Variants in JAK2 observed in about 807,000 individuals in gnomAD.
JAK2 encodes tyrosine-protein kinase JAK2.
In JAK2, 86 loss-of-function variants were observed where a neutral mutation model predicts 139.3. The ratio of observed to expected loss-of-function variants is 0.62; its 90% confidence interval spans 0.52 to 0.74. JAK2 has a LOEUF of 0.74. Among genes scored for constraint, JAK2 ranks in the 30% least tolerant of loss-of-function variants. The pLI is 0.00. For synonymous variants in JAK2, 490 were observed against 437.7 expected (o/e 1.12, Z -1.49); for missense variants, 1,421 against 1,360.3 (o/e 1.04, Z -0.70).
chr9:5,018,015 G>A (rs1252665729), intron 2 of JAK2, among the ~76,000 whole-genome samples: 1 of 152,088 alleles, frequency 6.6e-6, no homozygotes, highest in African/African-American at 2.4e-5. Context: ...TTTTGTAAGT[G>A]GCATGTAGTT....
intron 2 of JAK2, among the ~76,000 whole-genome samples, chr9:5,017,576 G>A (rs1287818758): frequency 1.3e-5 from 2 of 152,020 alleles, no homozygotes; most frequent in African/African-American, 4.8e-5. Context: ...GTAATGTAAT[G>A]TTGTTTGACA....
chr9:5,012,018 A>G (rs1039191356), intron 2 of JAK2, among the ~76,000 whole-genome samples: 1 of 152,186 alleles, frequency 6.6e-6, no homozygotes, highest in Non-Finnish European at 1.5e-5. Flanking sequence ...ATTTCTAGCT[A>G]TTGCCTGTCC....
At chr9:5,114,925 T>G in intron 22 of JAK2, 1 of 181,054 alleles carries the variant, frequency 5.5e-6, no homozygotes, top group Non-Finnish European at 1.1e-5. Context: ...AAACAGTGCC[T>G]GCTCAGAAAA....
chr9:5,031,974 G>T (rs75197654), intron 4 of JAK2, among the ~76,000 whole-genome samples: 4 of 152,234 alleles, frequency 2.6e-5, no homozygotes, highest in Non-Finnish European at 4.4e-5. Flanking sequence ...CGCCACACCC[G>T]GGAAGCGCAA....
chr9:5,060,184 A>G (rs1818065567), intron 8 of JAK2, among the ~76,000 whole-genome samples: 1 of 152,218 alleles, frequency 6.6e-6, no homozygotes, highest in Non-Finnish European at 1.5e-5. Context: ...CTGAGCCTCC[A>G]GAGAGTTATA....
intron 4 of JAK2, among the ~76,000 whole-genome samples, chr9:5,039,601 T>TA (rs917402130): frequency 6.6e-6 from 1 of 151,920 alleles, no homozygotes; most frequent in Admixed American, 6.6e-5. Context: ...AAGGAATTAA[T>TA]AAAAAAACTA....
chr9:5,027,047 C>T (rs1822827220), intron 3 of JAK2, among the ~76,000 whole-genome samples: 1 of 152,162 alleles, frequency 6.6e-6, no homozygotes, highest in African/African-American at 2.4e-5. Flanking sequence ...TCCTTCTGTG[C>T]AACCACATGC....
chr9:5,062,617 C>T (rs999100905), intron 8 of JAK2, among the ~76,000 whole-genome samples: 9 of 147,672 alleles, frequency 6.1e-5, no homozygotes, highest in Non-Finnish European at 1.0e-4. Context: ...AGTTAGTGAA[C>T]TGCTAGTTCA....
rs1331277425 is a variant in JAK2, at chr9:5,128,594, ACTTTT to A, written c.*1807_*1811del. Among the ~76,000 whole-genome samples, 1 of 151,932 alleles carries A rather than the reference ACTTTT, an allele frequency of 6.6e-6. No homozygotes were observed. Among genetic ancestry groups the A allele is most frequent in the African/African-American group, 2.4e-5 (1 of 41,446 alleles). ...GCTTTTTAAAACAAGATGTGAACTA[ACTTTT>A]CTTAAACATTTTTTTAAATGCTTCA... is the stretch of plus-strand genomic sequence containing the variant. On this transcript the variant is annotated 3_prime_UTR_variant, in exon 25 of 25. Coordinates refer to ENST00000381652, the MANE Select transcript of JAK2 (RefSeq NM_004972.4).
At chr9:5,105,317 G>T in intron 22 of JAK2, among the ~76,000 whole-genome samples, 1 of 152,136 alleles carries the variant, frequency 6.6e-6, no homozygotes, top group Non-Finnish European at 1.5e-5. Context: ...TTGCTACAAA[G>T]AGAATAAAAT....
rs554986237 is a variant in JAK2 at position 5,121,740 on chromosome 9, CT to C, written c.3060-1262del. Among the ~76,000 whole-genome samples, 300 of 152,230 alleles carry C rather than the reference CT, an allele frequency of 2.0e-3. 1 individual carries two copies. The highest frequency in any genetic ancestry group is 6.8e-3 in the African/African-American group (284 of 41,542). On this transcript the variant is annotated intron_variant, in intron 22 of 24. Transcript: ENST00000381652. ...TAAGAACAAAGAAGGAGGAGTCTTTCTTCTTATTTTCAACAAGGGGAATTAA... is the reference window on the plus strand; with the variant it reads ...TAAGAACAAAGAAGGAGGAGTCTTTCTCTTATTTTCAACAAGGGGAATTAA...
In JAK2 at chr9:5,050,671, A is replaced by T. The variant is rs1266712086; in HGVS notation, c.469-15A>T. 4.4e-6 allele frequency: 7 copies of T among 1,606,872 alleles called. No individual in the cohort carries two copies. Among genetic ancestry groups the T allele is most frequent in the Non-Finnish European group, 5.9e-6 (7 of 1,176,484 alleles). On this transcript the variant is annotated splice_polypyrimidine_tract_variant and intron_variant, in intron 5 of 24. Coordinates refer to ENST00000381652, the MANE Select transcript of JAK2 (RefSeq NM_004972.4). ...AACTTACGATGAGATATTTCCTTCA[A>T]ATTTTTGGTTTTAGTGGCGGCATGA...
At chr9:5,072,659 T>C (rs1430207386) in intron 13 of JAK2, 33 bp downstream of exon 13, 3 of 1,509,446 alleles carry the variant, frequency 2.0e-6, no homozygotes, top group Non-Finnish European at 2.7e-6. Context: ...TCATGTAGTT[T>C]ATGCTGTTTA....
intron 2 of JAK2, among the ~76,000 whole-genome samples, chr9:4,992,735 T>C (rs939467712): frequency 1.3e-5 from 2 of 152,158 alleles, no homozygotes; most frequent in Non-Finnish European, 2.9e-5. Context: ...AGTTTATATG[T>C]CCCCTGCATA....
rs1824044172 is a variant in JAK2 at position 5,127,025 on chromosome 9, T to C, written c.*234T>C. The C allele has an allele frequency of 3.3e-6, 1 of 303,684 alleles. No individual in the cohort carries two copies. Among genetic ancestry groups the C allele is most frequent in the Non-Finnish European group, 6.1e-6 (1 of 163,930 alleles). The allele number at this position is 303,684 out of a possible 1,614,324, so 18.8% of individuals were successfully genotyped here. A position where few individuals can be genotyped will look rare whatever the true frequency, so the allele number is the denominator to read the frequency against. On this transcript the variant is annotated 3_prime_UTR_variant, in exon 25 of 25. Transcript: ENST00000381652. ...TAGCAAGGATTTTGTAAGAAGTTTC[T>C]TAAACATTGTCAGTTAACATCACTC...
intron 4 of JAK2, among the ~76,000 whole-genome samples, chr9:5,035,738 A>G: frequency 6.6e-6 from 1 of 152,224 alleles, no homozygotes; most frequent in Non-Finnish European, 1.5e-5. Context: ...TCTCAAAATA[A>G]TAAGAGCTAT....
At chr9:5,032,218 C>G (rs1823212152) in intron 4 of JAK2, among the ~76,000 whole-genome samples, 1 of 152,204 alleles carries the variant, frequency 6.6e-6, no homozygotes, top group African/African-American at 2.4e-5. Flanking sequence ...CCCGCCATTG[C>G]CGAGGGTTGA....
intron 22 of JAK2, chr9:5,094,848 T>C (rs1820862141): frequency 6.6e-6 from 1 of 152,152 alleles, no homozygotes; most frequent in Admixed American, 6.6e-5. Flanking sequence ...ATAAATTTCA[T>C]TACCAAGACC....
rs1564031296 is a variant in JAK2, at chr9:5,128,062, A to G, written c.*1271A>G. ...ACTCCACTTTAGACACCATAGCTAA[A>G]ATAAAATATGGTGGGTTTTGTGTGT... On this transcript the variant is annotated 3_prime_UTR_variant, in exon 25 of 25. Coordinates refer to ENST00000381652, the MANE Select transcript of JAK2 (RefSeq NM_004972.4). 2 of 228,304 alleles carry G rather than the reference A, an allele frequency of 8.8e-6. No individual in the cohort carries two copies. The highest frequency in any genetic ancestry group is 1.7e-5 in the Non-Finnish European group (2 of 116,514). The allele number at this position is 228,304 out of a possible 1,614,324, so 14.1% of individuals were successfully genotyped here.
Sources: allele counts gnomAD v4.1 joint callset (sites outside exome capture counted in the v4.1 genomes callset), GRCh38; gene constraint gnomAD v4.1.1; transcripts MANE v1.5; gene names NCBI Gene and HGNC (gene_info 2026-07-23, HGNC 2026-07-21).